The following FRMD3 variants were observed in gnomAD, a reference collection of about 807,000 sequenced individuals.
FRMD3 encodes FERM domain-containing protein 3.
In FRMD3, 33 loss-of-function variants were observed where a neutral mutation model predicts 70.2. The ratio of observed to expected loss-of-function variants is 0.47; its 90% confidence interval spans 0.36 to 0.63. The LOEUF is 0.63. Among genes scored for constraint, FRMD3 ranks in the 20% least tolerant of loss-of-function variants. The pLI is 0.00. For synonymous variants in FRMD3, 279 were observed against 255.9 expected, an observed-to-expected ratio of 1.09 and a Z score of -0.86; for missense variants, 632 against 711.4, an observed-to-expected ratio of 0.89 and a Z score of 1.27.
At chr9:83,351,157 T>G (rs1341929681) in intron 3 of FRMD3, among the ~76,000 whole-genome samples, 1 of 152,192 alleles carries the variant, frequency 6.6e-6, no homozygotes, top group Non-Finnish European at 1.5e-5. Context: ...ACTCCAGATG[T>G]AGACGAATCC....
chr9:83,565,907 G>A, the FRMD3 span, among the ~76,000 whole-genome samples: 1 of 152,324 alleles, frequency 6.6e-6, no homozygotes, highest in African/African-American at 2.4e-5. Flanking sequence ...ACTTAGAGCT[G>A]GCTCTGCATA....
In FRMD3 at chr9:83,349,763, ACAT is replaced by A; in HGVS notation, c.296-9_296-7del. ...CATGGTGTATGGTGGATGAGCTGAA[ACAT>A]CATAAAGAAAAGGCATGAGAAAAGC... On this transcript the variant is annotated splice_region_variant and splice_polypyrimidine_tract_variant and intron_variant, in intron 3 of 13. Coordinates refer to ENST00000304195, the MANE Select transcript of FRMD3 (RefSeq NM_174938.6). The A allele has an allele frequency of 6.2e-7, 1 of 1,604,620 alleles. No individual in the cohort carries two copies.
chr9:83,403,088 G>C (rs1303785881), intron 1 of FRMD3, among the ~76,000 whole-genome samples: 1 of 151,794 alleles, frequency 6.6e-6, no homozygotes, highest in Non-Finnish European at 1.5e-5. Context: ...ATTTTTAGTA[G>C]AGACGGGGTT....
intron 1 of FRMD3, among the ~76,000 whole-genome samples, chr9:83,471,394 G>A (rs1341066272): frequency 1.3e-5 from 2 of 152,146 alleles, no homozygotes; most frequent in Non-Finnish European, 2.9e-5. Context: ...AATATCTAGC[G>A]TTACACAATA....
At position 83,537,999 on chromosome 9, in the gene FRMD3, G is replaced by T. The variant is rs1829936542; in HGVS notation, c.147+86C>A. ...GTCCCCCAATCCCCTCCGGGAGTGG[G>T]TTCCTTGTTCTCGCATGCCCACCGC... is the stretch of plus-strand genomic sequence containing the variant. On this transcript the variant is annotated intron_variant, in intron 1 of 13. Coordinates refer to ENST00000304195, the MANE Select transcript of FRMD3 (RefSeq NM_174938.6). This position sits in a 1 kb window ranked among gnomAD's most constrained non-coding sequence, Gnocchi z 4.1. The T allele has an allele frequency of 8.1e-6, 12 of 1,474,532 alleles. No homozygotes were observed. The highest frequency in any genetic ancestry group is 1.1e-5 in the Non-Finnish European group (12 of 1,076,974). The allele number at this position is 1,474,532 out of a possible 1,614,324, so 91.3% of individuals were successfully genotyped here.
chr9:83,336,656 T>G (rs182625287), intron 5 of FRMD3, among the ~76,000 whole-genome samples: 3 of 147,958 alleles, frequency 2.0e-5, no homozygotes, highest in Non-Finnish European at 4.5e-5. Context: ...TAATGAGAAA[T>G]AAAAATAAAA....
intron 10 of FRMD3, among the ~76,000 whole-genome samples, chr9:83,307,158 ATAAC>A (rs976279319): frequency 6.6e-6 from 1 of 152,234 alleles, no homozygotes; most frequent in African/African-American, 2.4e-5. Flanking sequence ...TTCACTGAAA[ATAAC>A]TAACTGAACA....
the FRMD3 span, among the ~76,000 whole-genome samples, chr9:83,555,815 T>C: frequency 6.6e-6 from 1 of 152,188 alleles, no homozygotes; most frequent in Non-Finnish European, 1.5e-5. Flanking sequence ...GCTCTGTCTG[T>C]CAGACTGAGG....
Position 83,441,993 on chromosome 9 carries a change from T to C in FRMD3, c.148-52285A>G, listed in dbSNP as rs543050174. Reference sequence around the variant, plus strand: ...TAATCTGTTTCCTTTGGCATTGACCTAGTACAGCATAAAGAACGTGCGCAC... The same window carrying C: ...TAATCTGTTTCCTTTGGCATTGACCCAGTACAGCATAAAGAACGTGCGCAC... On this transcript the variant is annotated intron_variant, in intron 1 of 13. Transcript: ENST00000304195. Among the ~76,000 whole-genome samples the C allele has an allele frequency of 4.6e-5, 7 of 152,316 alleles. No homozygotes were observed. The East Asian group carries it at 1.3e-3, about 29-fold the overall frequency.
intron 3 of FRMD3, among the ~76,000 whole-genome samples, chr9:83,362,590 G>T (rs1824627867): frequency 6.6e-6 from 1 of 152,172 alleles, no homozygotes; most frequent in South Asian, 2.1e-4. Context: ...GCAAGAATAG[G>T]ATCTTAACTA....
intron 6 of FRMD3, among the ~76,000 whole-genome samples, chr9:83,321,899 G>A (rs1487066055): frequency 6.6e-6 from 1 of 152,056 alleles, no homozygotes; most frequent in Non-Finnish European, 1.5e-5. Flanking sequence ...ATATCCTCTT[G>A]AGTGTCAGTT....
At chr9:83,490,068 T>C (rs1828782063) in intron 1 of FRMD3, among the ~76,000 whole-genome samples, 1 of 152,194 alleles carries the variant, frequency 6.6e-6, no homozygotes, top group Non-Finnish European at 1.5e-5. Flanking sequence ...TTTTCTGTTC[T>C]ATCACCTTGC....
chr9:83,573,657 T>G, the FRMD3 span, among the ~76,000 whole-genome samples: 4 of 152,018 alleles, frequency 2.6e-5, no homozygotes, highest in Admixed American at 2.0e-4. Flanking sequence ...CAGCTTCCTC[T>G]CCTCCTCAGT....
In FRMD3 at chr9:83,309,631, A is replaced by G; in HGVS notation, c.838-7T>C. 1 of 1,548,850 alleles carries G rather than the reference A, an allele frequency of 6.5e-7. No individual in the cohort carries two copies. The highest frequency in any genetic ancestry group is 8.7e-7 in the Non-Finnish European group (1 of 1,143,268). On this transcript the variant is annotated splice_region_variant and splice_polypyrimidine_tract_variant and intron_variant, in intron 9 of 13. Transcript: ENST00000304195. ...ATGCCAACATGGCTTTTTTCTAATT[A>G]AAAAATAACAAAACAAGAAAAGGCA...
rs1287605234 is a variant in FRMD3, at chr9:83,245,134, C to T, written c.*2784G>A. The stretch of plus-strand genomic sequence containing the variant: ...AATTCCTCAATTAGGGCAAAATAAG[C>T]ACAATTATGCATGAGGGGCATATAT... On this transcript the variant is annotated 3_prime_UTR_variant, in exon 14 of 14. Transcript: ENST00000304195. The T allele has an allele frequency of 1.0e-6, 1 of 985,050 alleles. No individual in the cohort carries two copies. The highest frequency in any genetic ancestry group is 1.1e-4 in the East Asian group (1 of 8,828). The allele number at this position is 985,050 out of a possible 1,614,324, so 61.0% of individuals were successfully genotyped here.
At chr9:83,423,492 T>C (rs1487034288) in intron 1 of FRMD3, among the ~76,000 whole-genome samples, 8 of 151,636 alleles carry the variant, frequency 5.3e-5, no homozygotes, top group Admixed American at 3.9e-4. Flanking sequence ...TAGAGTCTCA[T>C]ATGGTGCTGC....
intron 1 of FRMD3, among the ~76,000 whole-genome samples, chr9:83,482,377 A>G (rs573902344): frequency 6.6e-6 from 1 of 152,354 alleles, no homozygotes; most frequent in East Asian, 1.9e-4. Context: ...AACAGCATCC[A>G]TTAAACATTT....
intron 1 of FRMD3, among the ~76,000 whole-genome samples, chr9:83,491,638 C>T (rs948822066): frequency 6.6e-6 from 1 of 152,206 alleles, no homozygotes; most frequent in East Asian, 1.9e-4. Flanking sequence ...TTTTGGTGAC[C>T]CTGTCCTTCC....
At chr9:83,420,398 A>G (rs774326236) in intron 1 of FRMD3, among the ~76,000 whole-genome samples, 6 of 152,192 alleles carry the variant, frequency 3.9e-5, no homozygotes, top group Non-Finnish European at 8.8e-5. Flanking sequence ...TACCTCCTAC[A>G]TTATTCAGAT....
Sources: allele counts gnomAD v4.1 joint callset (sites outside exome capture counted in the v4.1 genomes callset), GRCh38; gene constraint gnomAD v4.1.1; non-coding constraint Gnocchi (gnomAD v3.1); transcripts MANE v1.5; gene names NCBI Gene and HGNC (gene_info 2026-07-23, HGNC 2026-07-21).